Variants in ANK3 observed in about 807,000 individuals in gnomAD.
The protein encoded by ANK3 is ankyrin-3.
A neutral mutation model predicts 370.9 loss-of-function variants in ANK3; 57 were observed. The ratio of observed to expected loss-of-function variants is 0.15; its 90% CI spans 0.12 to 0.19. The LOEUF is 0.19. Ranked by LOEUF, ANK3 falls within the 10% of genes least tolerant of loss-of-function variation. The pLI is 1.00. For synonymous variants in ANK3, 1,929 were observed against 1,946.3 expected (o/e 0.99, Z 0.23); for missense variants, 4,439 against 5,302.1 (o/e 0.84, Z 5.06).
Position 60,198,351 on chromosome 10 carries a change from T to C in ANK3, c.1678A>G (p.Ile560Val), listed in dbSNP as rs201229814. 2.7e-4 allele frequency: 437 copies of C among 1,614,198 alleles called. 6 individuals are homozygous for C. Among genetic ancestry groups the C allele is most frequent in the Non-Finnish European group, 2.5e-6 (3 of 1,180,038 alleles). The change falls in exon 14 of 44, where the codon ATA (isoleucine) becomes GTA (valine). Residue 560 changes from isoleucine (I) to valine (V), a missense_variant. Coordinates refer to ENST00000280772, the MANE Select transcript of ANK3 (RefSeq NM_020987.5). ...FLLDHGASLS[I>V]TTKKGFTPLH... The stretch of plus-strand genomic sequence containing the variant: ...ATTTGCTTTCATACCTTTGTTGTTA[T>C]AGATAAAGACGCTCCATGATCCAAA...
chr10:60,283,972 C>T (rs2098204813), intron 1 of ANK3, among the ~76,000 whole-genome samples: 1 of 151,984 alleles, frequency 6.6e-6, no homozygotes, highest in Non-Finnish European at 1.5e-5. Flanking sequence ...AATGGTGTCT[C>T]CCCAAAACTG....
chr10:60,362,946 A>G (rs10994312), intron 1 of ANK3, among the ~76,000 whole-genome samples: 1 of 151,840 alleles, frequency 6.6e-6, no homozygotes, highest in Non-Finnish European at 1.5e-5. Context: ...AGGGTGGGCT[A>G]TCCTGGACAT....
chr10:60,307,017 C>T (rs1266857023), intron 1 of ANK3, among the ~76,000 whole-genome samples: 5 of 152,204 alleles, frequency 3.3e-5, no homozygotes, highest in African/African-American at 1.2e-4. Context: ...GCATGAGCCA[C>T]TATGCTCTGC....
intron 2 of ANK3, among the ~76,000 whole-genome samples, chr10:60,433,930 T>C (rs2064094865): frequency 6.6e-6 from 1 of 152,152 alleles, no homozygotes; most frequent in African/African-American, 2.4e-5. Flanking sequence ...CTATGCATCA[T>C]CTCCAGCTGC....
intron 1 of ANK3, among the ~76,000 whole-genome samples, chr10:60,331,883 CT>C (rs2051421899): frequency 1.3e-5 from 2 of 152,114 alleles, no homozygotes; most frequent in East Asian, 3.9e-4. Flanking sequence ...ATTAAATTAC[CT>C]TTGCAGAGAA....
At chr10:60,458,828 G>T (rs553486926) in intron 2 of ANK3, among the ~76,000 whole-genome samples, 1 of 152,172 alleles carries the variant, frequency 6.6e-6, no homozygotes, top group Admixed American at 6.6e-5. Flanking sequence ...GGTCATGCTT[G>T]AGGGTCTGCA....
At chr10:60,427,974 G>A (rs998635177) in intron 2 of ANK3, among the ~76,000 whole-genome samples, 3 of 152,102 alleles carry the variant, frequency 2.0e-5, no homozygotes, top group African/African-American at 7.2e-5. Flanking sequence ...CTTCCTTGAG[G>A]AAGAGGCTGG....
At chr10:60,398,063 G>A (rs1236898550) in intron 2 of ANK3, among the ~76,000 whole-genome samples, 1 of 152,154 alleles carries the variant, frequency 6.6e-6, no homozygotes, top group Non-Finnish European at 1.5e-5. Context: ...AGGCTCCAAA[G>A]GCCAGGTGGT....
chr10:60,381,495 T>C (rs1255000200), intron 1 of ANK3, among the ~76,000 whole-genome samples: 1 of 152,200 alleles, frequency 6.6e-6, no homozygotes, highest in Non-Finnish European at 1.5e-5. Context: ...GGGACTTAAA[T>C]GGTTGTTTGG....
At chr10:60,366,770 A>T (rs942031442) in intron 1 of ANK3, among the ~76,000 whole-genome samples, 7 of 152,158 alleles carry the variant, frequency 4.6e-5, no homozygotes, top group Admixed American at 3.9e-4. Flanking sequence ...ACAGAGTTAC[A>T]AGGATCAAAT....
chr10:60,255,438 C>A (rs897036089), intron 7 of ANK3, among the ~76,000 whole-genome samples: 4 of 152,096 alleles, frequency 2.6e-5, no homozygotes, highest in Non-Finnish European at 5.9e-5. Flanking sequence ...ACCTGGGGAC[C>A]AAAGGAAAAC....
intron 2 of ANK3, among the ~76,000 whole-genome samples, chr10:60,405,473 G>A (rs1397997627): frequency 6.6e-6 from 1 of 152,144 alleles, no homozygotes; most frequent in Non-Finnish European, 1.5e-5. Context: ...TCAGAACAGA[G>A]GTTGCTTCTG....
chr10:60,404,903 G>A (rs938419510), intron 2 of ANK3, among the ~76,000 whole-genome samples: 1 of 152,078 alleles, frequency 6.6e-6, no homozygotes, highest in African/African-American at 2.4e-5. Context: ...ATGAACATAA[G>A]ACTTTAACAG....
At position 60,196,585 on chromosome 10, in the gene ANK3, T is replaced by C; in HGVS notation, c.1730A>G (p.Lys577Arg). 1.2e-6 allele frequency: 2 copies of C among 1,612,222 alleles called. No individual in the cohort carries two copies. Among genetic ancestry groups the C allele is most frequent in the Non-Finnish European group, 8.5e-7 (1 of 1,179,662 alleles). ...TAGCAGGAGATTGGCGACTTCAAGC[T>C]TTCCATATTTTGCTGCCACATGAAG... The part of the protein sequence containing the change: ...TPLHVAAKYG[K>R]LEVANLLLQK... The change falls in exon 15 of 44, where the codon AAG (lysine) becomes AGG (arginine). Residue 577 changes from lysine (K) to arginine (R), a missense_variant. Lys to Arg is a conservative substitution (Grantham distance 26). Around this residue, in one of 13 missense-constraint regions of ANK3, gnomAD observed 192 missense variants for 192.1 expected, o/e 1.00. Coordinates refer to ENST00000280772, the MANE Select transcript of ANK3 (RefSeq NM_020987.5).
chr10:60,398,220 C>T (rs2063282464), intron 2 of ANK3, among the ~76,000 whole-genome samples: 1 of 152,140 alleles, frequency 6.6e-6, no homozygotes, highest in African/African-American at 2.4e-5. Flanking sequence ...AAATATACTC[C>T]TTGTTAATTT....
Position 60,113,308 on chromosome 10 carries a change from A to T in ANK3, c.2948+917T>A, listed in dbSNP as rs779876644. 7.0e-4 allele frequency among the ~76,000 whole-genome samples: 106 copies of T among 152,322 alleles called. 2 individuals are homozygous for T. Among genetic ancestry groups the T allele is most frequent in the Admixed American group, 3.2e-3 (49 of 15,302 alleles). On this transcript the variant is annotated intron_variant, in intron 26 of 43. Coordinates refer to ENST00000280772, the MANE Select transcript of ANK3 (RefSeq NM_020987.5). ...GCAGAGGCACCAACTCGAAAGTTCA[A>T]ATTTATATATTCTTTTAAAAGGAAA...
intron 2 of ANK3, among the ~76,000 whole-genome samples, chr10:60,587,836 A>G (rs2077853796): frequency 1.3e-5 from 2 of 152,172 alleles, no homozygotes; most frequent in African/African-American, 4.8e-5. Flanking sequence ...TGTTGATAAA[A>G]GCAAGTTTTT....
intron 1 of ANK3, among the ~76,000 whole-genome samples, chr10:60,319,232 T>C (rs1472010661): frequency 1.3e-5 from 2 of 152,268 alleles, no homozygotes; most frequent in Middle Eastern, 3.2e-3. Flanking sequence ...CTTTGTTATG[T>C]TTTATTTCAT....
chr10:60,645,794 C>A (rs899054150), intron 1 of ANK3, among the ~76,000 whole-genome samples: 1 of 151,990 alleles, frequency 6.6e-6, no homozygotes, highest in African/African-American at 2.4e-5. Flanking sequence ...TTATTAAACA[C>A]AGTTGATCTT....
Sources: gnomAD v4.1 joint callset for allele counts (sites outside exome capture counted in the v4.1 genomes callset) on GRCh38, gnomAD v4.1.1 for gene constraint, gnomAD v4.1.1 regional missense constraint, MANE v1.5 for transcripts, NCBI Gene and HGNC (gene_info 2026-07-23, HGNC 2026-07-21) for gene names.